Variants in CNTN4 observed in about 807,000 individuals in gnomAD.
CNTN4 encodes contactin 4.
CNTN4 carries 77 observed loss-of-function variants against 122.5 expected under a neutral mutation model. The observed-to-expected ratio is 0.63, with a 90% confidence interval of 0.52 to 0.76. CNTN4 has a LOEUF of 0.76. Among genes scored for constraint, CNTN4 ranks in the 30% least tolerant of loss-of-function variants. The pLI is 0.00. For synonymous variants in CNTN4, 512 were observed against 447.0 expected, an observed-to-expected ratio of 1.15 and a Z score of -1.83; for missense variants, 1,256 against 1,259.1, an observed-to-expected ratio of 1.00 and a Z score of 0.04.
At position 2,158,582 on chromosome 3, in the gene CNTN4, C is replaced by A. The variant is rs911099504; in HGVS notation, c.-145+57943C>A. Among the ~76,000 whole-genome samples, 3 of 152,272 alleles carry A rather than the reference C, an allele frequency of 2.0e-5. No individual in the cohort carries two copies. In the South Asian group the frequency reaches 6.2e-4, roughly 32 times the overall value. ...GAACGTAGACTAAATGGAGTGAATC[C>A]TCACTGATACATGGAAGTGAATATG... On this transcript the variant is annotated intron_variant, in intron 2 of 24. Coordinates refer to ENST00000418658, the MANE Select transcript of CNTN4 (RefSeq NM_175607.3).
chr3:2,786,383 C>T (rs1274778061), intron 6 of CNTN4, among the ~76,000 whole-genome samples: 2 of 152,212 alleles, frequency 1.3e-5, no homozygotes, highest in East Asian at 1.9e-4. Flanking sequence ...TACAGCGGTT[C>T]TGCACAGAGT....
intron 2 of CNTN4, among the ~76,000 whole-genome samples, chr3:2,294,212 C>T (rs1045471269): frequency 4.0e-5 from 6 of 151,818 alleles, no homozygotes; most frequent in Non-Finnish European, 7.4e-5. Context: ...GATTTAGGGA[C>T]CTGAGAAACA....
intron 13 of CNTN4, chr3:2,927,668 A>G (rs2094485817): frequency 6.3e-6 from 1 of 157,712 alleles, no homozygotes. Context: ...ATGTGAATTT[A>G]ATTGATTGTT....
In CNTN4 at chr3:2,677,129, T is replaced by TTAGATAGATAGA. The variant is rs71621501; in HGVS notation, c.56-59052_56-59041dup. Among the ~76,000 whole-genome samples the TTAGATAGATAGA allele has an allele frequency of 9.8e-3, 1,397 of 143,188 alleles. 14 individuals are homozygous for TTAGATAGATAGA. The highest frequency in any genetic ancestry group is 0.02 in the East Asian group (96 of 4,780). 93.9% of individuals were successfully genotyped at this position (143,188 alleles called of 152,430 possible). On this transcript the variant is annotated intron_variant, in intron 4 of 24. Coordinates refer to ENST00000418658, the MANE Select transcript of CNTN4 (RefSeq NM_175607.3). The stretch of plus-strand genomic sequence containing the variant: ...ATAGATAGATAGATAGATCACTCTT[T>TTAGATAGATAGA]TAGATAGATAGATAGATAGATAGAT...
chr3:2,538,563 C>G (rs1013386617), intron 3 of CNTN4, among the ~76,000 whole-genome samples: 1 of 151,990 alleles, frequency 6.6e-6, no homozygotes, highest in African/African-American at 2.4e-5. Context: ...ACTAACTTGT[C>G]TCTAATTTGT....
intron 3 of CNTN4, among the ~76,000 whole-genome samples, chr3:2,452,917 TTG>T (rs931508330): frequency 6.6e-6 from 1 of 152,152 alleles, no homozygotes; most frequent in African/African-American, 2.4e-5. Context: ...TCACCTTTTT[TTG>T]TGTTTTTGTT....
At chr3:2,283,534 AAG>A in intron 2 of CNTN4, among the ~76,000 whole-genome samples, 1 of 152,112 alleles carries the variant, frequency 6.6e-6, no homozygotes, top group Non-Finnish European at 1.5e-5. Context: ...TGGGGTATAG[AAG>A]AGAGGTTAAT....
chr3:2,415,306 G>A (rs1367815244), intron 3 of CNTN4, among the ~76,000 whole-genome samples: 2 of 152,130 alleles, frequency 1.3e-5, no homozygotes, highest in African/African-American at 4.8e-5. Context: ...TTTGTAAAGG[G>A]CCCCATAATG....
At chr3:2,777,120 C>T (rs952753759) in intron 6 of CNTN4, among the ~76,000 whole-genome samples, 2 of 152,052 alleles carry the variant, frequency 1.3e-5, no homozygotes, top group Non-Finnish European at 2.9e-5. Flanking sequence ...AGCAGGGATT[C>T]TAGGCGCCCA....
intron 13 of CNTN4, among the ~76,000 whole-genome samples, chr3:2,948,747 G>C (rs1270421368): frequency 6.6e-6 from 1 of 152,066 alleles, no homozygotes; most frequent in African/African-American, 2.4e-5. Context: ...ATTGGGTTGT[G>C]AGATACTACA....
At chr3:2,504,121 T>A (rs1049691265) in intron 3 of CNTN4, among the ~76,000 whole-genome samples, 4 of 152,142 alleles carry the variant, frequency 2.6e-5, no homozygotes, top group African/African-American at 9.6e-5. Context: ...CTCTGCTTCC[T>A]TAATAGAGAG....
chr3:2,505,124 G>A (rs1386573759), intron 3 of CNTN4, among the ~76,000 whole-genome samples: 1 of 152,178 alleles, frequency 6.6e-6, no homozygotes, highest in Non-Finnish European at 1.5e-5. Flanking sequence ...GGAGATGAAT[G>A]TTGTGGTCTT....
At chr3:2,189,016 T>A in intron 2 of CNTN4, among the ~76,000 whole-genome samples, 1 of 152,130 alleles carries the variant, frequency 6.6e-6, no homozygotes, top group East Asian at 1.9e-4. Context: ...GGACTGAGGA[T>A]TTTGCCCTGT....
chr3:2,784,781 A>C (rs1181191959), intron 6 of CNTN4, among the ~76,000 whole-genome samples: 1 of 152,200 alleles, frequency 6.6e-6, no homozygotes, highest in Non-Finnish European at 1.5e-5. Flanking sequence ...TCCCCCTCTG[A>C]TAAAAGAGAT....
intron 3 of CNTN4, among the ~76,000 whole-genome samples, chr3:2,441,038 C>A (rs1375093892): frequency 2.0e-5 from 3 of 150,502 alleles, no homozygotes; most frequent in Admixed American, 6.6e-5. Flanking sequence ...ATTCCATGGC[C>A]CTGTATTTGA....
At chr3:2,799,780 C>T (rs189525760) in intron 6 of CNTN4, among the ~76,000 whole-genome samples, 2 of 152,016 alleles carry the variant, frequency 1.3e-5, no homozygotes, top group East Asian at 3.9e-4. Flanking sequence ...TAATACTAAG[C>T]CTTTCACATA....
intron 3 of CNTN4, among the ~76,000 whole-genome samples, chr3:2,443,104 G>A (rs893992533): frequency 6.6e-6 from 1 of 150,988 alleles, no homozygotes; most frequent in African/African-American, 2.4e-5. Flanking sequence ...GTGTTTACCT[G>A]TGTAACAAAC....
At chr3:2,562,457 C>T (rs918015416) in intron 3 of CNTN4, among the ~76,000 whole-genome samples, 3 of 152,118 alleles carry the variant, frequency 2.0e-5, no homozygotes, top group African/African-American at 7.2e-5. Flanking sequence ...ATTTAGCTCC[C>T]ACTTGTAAGT....
At chr3:2,499,409 G>A (rs946835692) in intron 3 of CNTN4, among the ~76,000 whole-genome samples, 1 of 152,200 alleles carries the variant, frequency 6.6e-6, no homozygotes, top group Admixed American at 6.5e-5. Context: ...AATAATGATG[G>A]TTGTACAACT....
Sources: allele counts gnomAD v4.1 joint callset (sites outside exome capture counted in the v4.1 genomes callset), GRCh38; gene constraint gnomAD v4.1.1; transcripts MANE v1.5; gene names NCBI Gene and HGNC (gene_info 2026-07-23, HGNC 2026-07-21).